The following SBF2 variants were observed in gnomAD, a reference collection of about 807,000 sequenced individuals.
SBF2 encodes the protein myotubularin-related protein 13.
In SBF2, 112 loss-of-function variants were observed where a neutral mutation model predicts 225.2. That is an observed-to-expected ratio of 0.50 (90% CI 0.43 to 0.58). The LOEUF (loss-of-function observed/expected upper bound fraction) is 0.58. SBF2 is among the 20% of genes least tolerant of loss of function. The probability of loss-of-function intolerance (pLI) is 0.00; values close to 1 mark genes in which losing one functional copy is unlikely to be tolerated. For missense variants in SBF2, 1,996 were observed against 2,206.2 expected, an observed-to-expected ratio of 0.90 and a Z score of 1.91; for synonymous variants, 763 against 773.3, an observed-to-expected ratio of 0.99 and a Z score of 0.22.
intron 2 of SBF2, among the ~76,000 whole-genome samples, chr11:10,161,639 C>T (rs1955740149): frequency 6.6e-6 from 1 of 152,020 alleles, no homozygotes; most frequent in Non-Finnish European, 1.5e-5. Context: ...TCAGTTCTGG[C>T]CAAAGAGATA....
At chr11:9,898,507 C>CA (rs1192247690) in intron 16 of SBF2, among the ~76,000 whole-genome samples, 1 of 151,824 alleles carries the variant, frequency 6.6e-6, no homozygotes, top group Admixed American at 6.6e-5. Flanking sequence ...CCTGTCTTTA[C>CA]AAAAAATACA....
chr11:9,880,084 T>TA (rs58140393), intron 17 of SBF2, among the ~76,000 whole-genome samples: 1,334 of 51,990 alleles, frequency 0.026, 181 homozygotes, highest in Non-Finnish European at 0.036. Context: ...CTCTGTCTCA[T>TA]AAAAAAAAAA....
chr11:10,135,460 T>A (rs1044473957), intron 2 of SBF2, among the ~76,000 whole-genome samples: 4 of 152,214 alleles, frequency 2.6e-5, no homozygotes, highest in African/African-American at 9.6e-5. Context: ...TCTATTGCAT[T>A]GTCAGGCTGC....
At chr11:9,785,367 T>TACCG (rs1554899127) in intron 36 of SBF2, 49 bp from the exon 37 acceptor site, 22 of 1,393,180 alleles carry the variant, frequency 1.6e-5, no homozygotes, top group Non-Finnish European at 2.0e-5. Flanking sequence ...ACACTTAAAC[T>TACCG]ACTGACTGGA....
chr11:9,948,733 C>T lies in SBF2; in HGVS notation c.1860+13224G>A, dbSNP rs375205532. 7.2e-5 allele frequency among the ~76,000 whole-genome samples: 11 copies of T among 152,172 alleles called. No homozygotes were observed. In the East Asian group the frequency reaches 2.1e-3, roughly 29 times the overall value. ...CCCTCATATACACATAGACGTATAC[C>T]CACATTTCCAACTGTTATTTTAGTA... is the stretch of plus-strand genomic sequence containing the variant. On this transcript the variant is annotated intron_variant, in intron 16 of 39. Transcript: ENST00000256190.
chr11:10,066,256 A>G (rs968462725), intron 2 of SBF2, among the ~76,000 whole-genome samples: 2 of 151,878 alleles, frequency 1.3e-5, no homozygotes, highest in Admixed American at 1.3e-4. Flanking sequence ...AAAACTTGAT[A>G]AAGACATTAC....
chr11:10,299,836 A>G (rs554761201), intron 1 of SBF2, among the ~76,000 whole-genome samples: 1 of 152,306 alleles, frequency 6.6e-6, no homozygotes, highest in Non-Finnish European at 1.5e-5. Flanking sequence ...CCATAGCCAA[A>G]ACGATTGTTT....
intron 2 of SBF2, among the ~76,000 whole-genome samples, chr11:10,080,161 T>C (rs754811953): frequency 2.7e-5 from 4 of 149,596 alleles, no homozygotes. Context: ...GGCAGGAGAA[T>C]TGCTTGAACC....
At chr11:9,987,772 T>C (rs994863007) in intron 13 of SBF2, among the ~76,000 whole-genome samples, 1 of 151,568 alleles carries the variant, frequency 6.6e-6, no homozygotes, top group African/African-American at 2.4e-5. Flanking sequence ...TCACAGACAA[T>C]GCAAACAAAT....
At chr11:9,846,687 A>T (rs1192222265) in intron 23 of SBF2, among the ~76,000 whole-genome samples, 1 of 152,232 alleles carries the variant, frequency 6.6e-6, no homozygotes, top group East Asian at 1.9e-4. Context: ...AACTTGGCAG[A>T]GAATAAGAAC....
intron 2 of SBF2, among the ~76,000 whole-genome samples, chr11:10,170,517 T>G (rs192960033): frequency 1.5e-4 from 23 of 152,286 alleles, no homozygotes; most frequent in African/African-American, 5.3e-4. Context: ...ACATGCTATT[T>G]TGGTTACTAT....
At chr11:9,839,765 CT>C (rs1855983278) in intron 25 of SBF2, 69 bp from the exon 26 acceptor site, 1 of 1,404,924 alleles carries the variant, frequency 7.1e-7, no homozygotes. Context: ...AGGGTAGTAC[CT>C]GTGGGGAGCT....
At chr11:10,159,173 C>G (rs1955607244) in intron 2 of SBF2, among the ~76,000 whole-genome samples, 1 of 152,184 alleles carries the variant, frequency 6.6e-6, no homozygotes, top group African/African-American at 2.4e-5. Flanking sequence ...TGCTTCTAAC[C>G]TCCAAGCTGT....
At chr11:10,120,969 T>C (rs773977851) in intron 2 of SBF2, among the ~76,000 whole-genome samples, 2 of 152,138 alleles carry the variant, frequency 1.3e-5, no homozygotes, top group African/African-American at 4.8e-5. Context: ...TTCCACCACG[T>C]TGGCAAGGCT....
intron 2 of SBF2, among the ~76,000 whole-genome samples, chr11:10,110,007 A>G (rs1269871591): frequency 6.6e-6 from 1 of 152,246 alleles, no homozygotes. Flanking sequence ...CTGCAAACCC[A>G]TGAGTACAAG....
rs3829252 is a variant in SBF2, at chr11:9,779,904, G to A, written c.*514C>T. On this transcript the variant is annotated 3_prime_UTR_variant, in exon 40 of 40. Coordinates refer to ENST00000256190, the MANE Select transcript of SBF2 (RefSeq NM_030962.4). The stretch of plus-strand genomic sequence containing the variant: ...CACTGGCAGAGCACGGACCATGGAA[G>A]CATCTTTTGGCAGCACCAGAGAACT... The A allele has an allele frequency of 0.34, 68,305 of 203,806 alleles. 12,476 individuals carry two copies. Among genetic ancestry groups the A allele is most frequent in the Non-Finnish European group, 0.39 (37,997 of 97,750 alleles). The allele number at this position is 203,806 out of a possible 1,614,324, so 12.6% of individuals were successfully genotyped here.
chr11:9,853,496 TA>T (rs1221035034), intron 20 of SBF2, 43 bp downstream of exon 20: 2 of 1,562,178 alleles, frequency 1.3e-6, no homozygotes, highest in South Asian at 2.2e-5. Flanking sequence ...TGAAACTCAA[TA>T]ATCTCCAATA....
rs746246566 is a variant in SBF2 at position 10,028,491 on chromosome 11, T to G, written c.580A>C (p.Ile194Leu). The G allele has an allele frequency of 1.4e-5, 23 of 1,613,712 alleles. No homozygotes were observed. In the East Asian group the frequency reaches 5.1e-4, roughly 36 times the overall value. Reference protein sequence around the residue: ...IQTPLHDSLPITGTSVALLFQ... With the variant: ...IQTPLHDSLPLTGTSVALLFQ... The stretch of plus-strand genomic sequence containing the variant: ...AGGAGAGCCACACTAGTGCCCGTGA[T>G]AGGAAGACTATCATGTAAAGGAGTC... The change falls in exon 6 of 40, where the codon ATC (isoleucine) becomes CTC (leucine). Residue 194 changes from isoleucine (I) to leucine (L), a missense_variant. Ile to Leu is a conservative substitution (Grantham distance 5). Transcript: ENST00000256190.
At chr11:9,869,552 C>A (rs1183615510) in intron 17 of SBF2, among the ~76,000 whole-genome samples, 1 of 152,022 alleles carries the variant, frequency 6.6e-6, no homozygotes, top group African/African-American at 2.4e-5. Flanking sequence ...TCAACATATG[C>A]AGATCAATAA....
Sources: allele counts gnomAD v4.1 joint callset (sites outside exome capture counted in the v4.1 genomes callset), GRCh38; gene constraint gnomAD v4.1.1; transcripts MANE v1.5; gene names NCBI Gene and HGNC (gene_info 2026-07-23, HGNC 2026-07-21).